The following SLCO1C1 variants were observed in gnomAD, a reference collection of about 807,000 sequenced individuals.
The protein encoded by SLCO1C1 is OAT-RP-5.
Under a neutral mutation model 76.4 loss-of-function variants are expected in SLCO1C1, and 70 were observed. The ratio of observed to expected loss-of-function variants is 0.92; its 90% CI spans 0.76 to 1.12. The LOEUF is 1.12. Ranked by LOEUF, SLCO1C1 falls within the 50% of genes most tolerant of loss-of-function variation. The probability of loss-of-function intolerance (pLI) is 0.00; values close to 1 mark genes in which losing one functional copy is unlikely to be tolerated. For missense variants in SLCO1C1, 912 were observed against 823.8 expected (o/e 1.11, Z -1.31); for synonymous variants, 306 against 286.1 (o/e 1.07, Z -0.70).
At chr12:20,733,717 A>G (rs1379996283) in intron 10 of SLCO1C1, among the ~76,000 whole-genome samples, 18 of 152,130 alleles carry the variant, frequency 1.2e-4, no homozygotes, top group Admixed American at 1.2e-3. Flanking sequence ...TCCCCATAAA[A>G]GTTCTCTTTA....
In SLCO1C1 at chr12:20,695,625, C is replaced by T. The variant is rs995181035; in HGVS notation, c.-208C>T. 2.0e-5 allele frequency: 3 copies of T among 151,948 alleles called. No homozygotes were observed. The highest frequency in any genetic ancestry group is 7.3e-5 in the African/African-American group (3 of 41,378). 9.4% of individuals were successfully genotyped at this position (151,948 alleles called of 1,614,324 possible). A position where few individuals can be genotyped will look rare whatever the true frequency, so the allele number is the denominator to read the frequency against. On this transcript the variant is annotated 5_prime_UTR_variant, in exon 1 of 15. Coordinates refer to ENST00000266509, the MANE Select transcript of SLCO1C1 (RefSeq NM_017435.5). ...AGATCGCTCAGGGGTGAGACCATGC[C>T]CTTCATCTTTTCTTTTCCCTAATCT...
chr12:20,737,012 T>A, intron 10 of SLCO1C1, 95 bp from the exon 11 acceptor site: 1 of 1,119,018 alleles, frequency 8.9e-7, no homozygotes, highest in Non-Finnish European at 1.2e-6. Context: ...TTGTTCATAG[T>A]ATCATTTATA....
rs1947099037 is a variant in SLCO1C1, at chr12:20,711,520, T to G, written c.529+10T>G. On this transcript the variant is annotated intron_variant, in intron 5 of 14. Coordinates refer to ENST00000266509, the MANE Select transcript of SLCO1C1 (RefSeq NM_017435.5). Reference sequence around the variant, plus strand: ...TCCAAAATAAGTAACGGTAAGATCATTTTTTTGACTTGACTAAACAAGCTT... The same window carrying G: ...TCCAAAATAAGTAACGGTAAGATCAGTTTTTTGACTTGACTAAACAAGCTT... The G allele has an allele frequency of 1.2e-6, 2 of 1,605,232 alleles. No individual in the cohort carries two copies. The highest frequency in any genetic ancestry group is 1.7e-6 in the Non-Finnish European group (2 of 1,175,358).
chr12:20,734,403 A>G (rs539474407), intron 10 of SLCO1C1, among the ~76,000 whole-genome samples: 8 of 152,174 alleles, frequency 5.3e-5, no homozygotes, highest in Non-Finnish European at 1.2e-4. Context: ...ATGAAATGGA[A>G]GATGATTCTG....
rs201387734 is a variant in SLCO1C1 at position 20,703,955 on chromosome 12, C to G, written c.272-1994C>G. Among the ~76,000 whole-genome samples, 1,048 of 140,360 alleles carry G rather than the reference C, an allele frequency of 7.5e-3. 7 individuals are homozygous for G. The highest frequency in any genetic ancestry group is 0.022 in the South Asian group (95 of 4,368). 92.1% of individuals were successfully genotyped at this position (140,360 alleles called of 152,430 possible). On this transcript the variant is annotated intron_variant, in intron 3 of 14. Coordinates refer to ENST00000266509, the MANE Select transcript of SLCO1C1 (RefSeq NM_017435.5). Reference sequence around the variant, plus strand: ...TTTTTTTCTGTTATCTCGAGTGTGTCTGTGTGTGTGTGTGTGTGTGTGTGT... The same window carrying G: ...TTTTTTTCTGTTATCTCGAGTGTGTGTGTGTGTGTGTGTGTGTGTGTGTGT...
At chr12:20,740,783 T>TTTTATATATA (rs1948768703) in intron 12 of SLCO1C1, among the ~76,000 whole-genome samples, 1 of 53,994 alleles carries the variant, frequency 1.9e-5, no homozygotes. Flanking sequence ...AGAATTTATT[T>TTTTATATATA]TATTTATATA....
chr12:20,714,599 TAACA>T (rs2120699801), intron 5 of SLCO1C1, among the ~76,000 whole-genome samples: 1 of 152,288 alleles, frequency 6.6e-6, no homozygotes, highest in East Asian at 1.9e-4. Context: ...GGTTATTCAC[TAACA>T]AACAAATATA....
At chr12:20,715,336 G>A in intron 6 of SLCO1C1, 51 bp downstream of exon 6, 2 of 1,598,558 alleles carry the variant, frequency 1.3e-6, no homozygotes, top group Non-Finnish European at 1.7e-6. Context: ...AGGGTGTCTA[G>A]TTTTCTGAAT....
chr12:20,727,664 C>T (rs894639741), intron 9 of SLCO1C1, among the ~76,000 whole-genome samples: 2 of 152,264 alleles, frequency 1.3e-5, no homozygotes, highest in African/African-American at 2.4e-5. Flanking sequence ...CGCCCGCCAC[C>T]ACGCCCGGCT....
intron 13 of SLCO1C1, among the ~76,000 whole-genome samples, chr12:20,746,345 GAAAT>G (rs2120917185): frequency 1.6e-5 from 2 of 124,074 alleles, no homozygotes; most frequent in South Asian, 6.6e-4. Flanking sequence ...TGAAAATTGA[GAAAT>G]AAAGGAGAAA....
chr12:20,740,919 T>C (rs1421480484), intron 12 of SLCO1C1, among the ~76,000 whole-genome samples: 1 of 150,740 alleles, frequency 6.6e-6, no homozygotes, highest in Non-Finnish European at 1.5e-5. Context: ...AATGACTGTA[T>C]TATTCCATTT....
At chr12:20,713,713 C>T (rs748700174) in intron 5 of SLCO1C1, among the ~76,000 whole-genome samples, 6 of 152,144 alleles carry the variant, frequency 3.9e-5, no homozygotes, top group Non-Finnish European at 4.4e-5. Context: ...CTGTGATGAT[C>T]GGAATGTCTT....
intron 13 of SLCO1C1, among the ~76,000 whole-genome samples, chr12:20,745,120 A>G (rs1371520464): frequency 6.6e-6 from 1 of 152,216 alleles, no homozygotes; most frequent in Non-Finnish European, 1.5e-5. Flanking sequence ...AGCATCAACT[A>G]AAAACTAATT....
intron 9 of SLCO1C1, among the ~76,000 whole-genome samples, chr12:20,732,680 G>A (rs1948344266): frequency 6.6e-6 from 1 of 152,052 alleles, no homozygotes; most frequent in African/African-American, 2.4e-5. Context: ...TGATTCATTT[G>A]GTATTTATTA....
chr12:20,728,209 T>C (rs1314638160), intron 9 of SLCO1C1, among the ~76,000 whole-genome samples: 1 of 152,122 alleles, frequency 6.6e-6, no homozygotes, highest in African/African-American at 2.4e-5. Flanking sequence ...TGATAAGGGG[T>C]CCAGTTTCAT....
chr12:20,706,070 C>G lies in SLCO1C1; in HGVS notation c.393C>G (p.Phe131Leu). The G allele has an allele frequency of 6.2e-7, 1 of 1,612,014 alleles. No homozygotes were observed. Among genetic ancestry groups the G allele is most frequent in the Non-Finnish European group, 8.5e-7 (1 of 1,178,824 alleles). Residue 131 changes from phenylalanine to leucine, a missense_variant, in exon 4 of 15, where the codon TTC (phenylalanine) becomes TTG (leucine). Transcript: ENST00000266509. ...VGTLLIAMPQ[F>L]FMEQYKYERY... ...CACTGCTCATTGCAATGCCTCAGTTCTTCATGGAGCAGTAAGTCTAAAGCA... is the reference window on the plus strand; with the variant it reads ...CACTGCTCATTGCAATGCCTCAGTTGTTCATGGAGCAGTAAGTCTAAAGCA...
intron 13 of SLCO1C1, among the ~76,000 whole-genome samples, chr12:20,747,779 G>A (rs7959517): frequency 0.05 from 7,667 of 152,052 alleles, 306 homozygotes; most frequent in African/African-American, 0.11. Flanking sequence ...CAAAATAGAG[G>A]GGATCATTTG....
chr12:20,715,141 T>A lies in SLCO1C1; in HGVS notation c.532T>A (p.Cys178Ser). 6.2e-7 allele frequency: 1 copy of A among 1,613,846 alleles called. No individual in the cohort carries two copies. Among genetic ancestry groups the A allele is most frequent in the Admixed American group, 1.7e-5 (1 of 59,974 alleles). The change falls in exon 6 of 15, where the codon TGT becomes AGT. Residue 178 changes from cysteine (C) to serine (S), a missense_variant and splice_region_variant. Physicochemically the swap from Cys to Ser is moderately radical, Grantham distance 112 (BLOSUM62 -1). Transcript: ENST00000266509. Reference protein sequence around the residue: ...EKSKSKISNECEVDTSSSMWI... With the variant: ...EKSKSKISNESEVDTSSSMWI... ...CTCTGGTTTGCCTTTCTTTCAAGAA[T>A]GTGAAGTGGACACTAGCTCTTCCAT... is the stretch of plus-strand genomic sequence containing the variant.
chr12:20,715,127 C>T lies in SLCO1C1; in HGVS notation c.530-12C>T, dbSNP rs576160386. 1 of 1,613,468 alleles carries T rather than the reference C, an allele frequency of 6.2e-7. No individual in the cohort carries two copies. Among genetic ancestry groups the T allele is most frequent in the African/African-American group, 1.3e-5 (1 of 75,002 alleles). On this transcript the variant is annotated splice_polypyrimidine_tract_variant and intron_variant, in intron 5 of 14. Coordinates refer to ENST00000266509, the MANE Select transcript of SLCO1C1 (RefSeq NM_017435.5). ...ATCTATTTTCAATCCTCTGGTTTGCCTTTCTTTCAAGAATGTGAAGTGGAC... is the reference window on the plus strand; with the variant it reads ...ATCTATTTTCAATCCTCTGGTTTGCTTTTCTTTCAAGAATGTGAAGTGGAC...
Sources: allele counts gnomAD v4.1 joint callset (sites outside exome capture counted in the v4.1 genomes callset), GRCh38; gene constraint gnomAD v4.1.1; transcripts MANE v1.5; gene names NCBI Gene and HGNC (gene_info 2026-07-23, HGNC 2026-07-21).